The following NUMA1 variants were observed in gnomAD, a reference collection of about 807,000 sequenced individuals.
NUMA1 encodes SP-H antigen.
Under a neutral mutation model 237.1 loss-of-function variants are expected in NUMA1, and 62 were observed. The ratio of observed to expected loss-of-function variants is 0.26; its 90% CI spans 0.21 to 0.32. NUMA1 has a LOEUF of 0.32. Among genes scored for constraint, NUMA1 ranks in the 10% least tolerant of loss-of-function variants. The probability of loss-of-function intolerance (pLI) is 1.00; values close to 1 mark genes in which losing one functional copy is unlikely to be tolerated. For synonymous variants in NUMA1, 1,028 were observed against 1,066.1 expected (o/e 0.96, Z 0.70); for missense variants, 2,533 against 2,666.5 (o/e 0.95, Z 1.10).
At chr11:72,019,750 G>A in intron 8 of NUMA1, 133 bp from the exon 9 acceptor site, 3 of 976,682 alleles carry the variant, frequency 3.1e-6, no homozygotes, top group Non-Finnish European at 4.3e-6. Flanking sequence ...AACTACCAAG[G>A]AAGGCACTGG....
chr11:72,010,711 C>G (rs78266495), intron 17 of NUMA1, 75 bp downstream of exon 17: 43,676 of 1,470,178 alleles, frequency 0.03, 742 homozygotes, highest in East Asian at 0.064. Flanking sequence ...CCCGACACCC[C>G]CCACGGCCCC....
intron 14 of NUMA1, 22 bp from the exon 15 acceptor site, chr11:72,016,282 C>G: frequency 6.3e-7 from 1 of 1,585,170 alleles, no homozygotes; most frequent in East Asian, 2.3e-5. Context: ...AAGAGACAAA[C>G]TGGGATCAGC....
chr11:72,074,678 G>A (rs1209823857), intron 1 of NUMA1, among the ~76,000 whole-genome samples: 1 of 152,204 alleles, frequency 6.6e-6, no homozygotes, highest in East Asian at 1.9e-4. Flanking sequence ...GATCGAGGCT[G>A]CAGTGAGCTA....
At chr11:72,030,937 T>G (rs1321398704) in intron 3 of NUMA1, among the ~76,000 whole-genome samples, 2 of 152,172 alleles carry the variant, frequency 1.3e-5, no homozygotes, top group Non-Finnish European at 2.9e-5. Context: ...CCCTACTTTA[T>G]CTACTTCAAA....
chr11:72,035,630 C>T (rs1464808350), intron 3 of NUMA1, among the ~76,000 whole-genome samples: 1 of 151,746 alleles, frequency 6.6e-6, no homozygotes, highest in East Asian at 1.9e-4. Flanking sequence ...AGGCTGGTCT[C>T]GAACTCCTGA....
chr11:72,009,484 C>T, intron 17 of NUMA1, 97 bp from the exon 18 acceptor site: 2 of 1,452,364 alleles, frequency 1.4e-6, no homozygotes, highest in South Asian at 2.8e-5. Context: ...GCTTCAGACT[C>T]CTGCACTTTC....
At chr11:72,006,013 T>C in intron 22 of NUMA1, 22 bp downstream of exon 22, 4 of 1,570,140 alleles carry the variant, frequency 2.5e-6, no homozygotes, top group Non-Finnish European at 3.5e-6. Context: ...TGGGGTATAG[T>C]AAGTCCCTGT....
rs137956915 is a variant in NUMA1, at chr11:72,024,327, A to T, written c.155T>A (p.Ile52Asn). The change falls in exon 5 of 27, where the codon ATC becomes AAC. Residue 52 changes from isoleucine to asparagine, a missense_variant. This residue lies in a region of NUMA1 where 1,414 missense variants were observed against 1,508.1 expected (regional missense o/e 0.94). Transcript: ENST00000393695. ...RIHGTEEGQQ[I>N]LKQPVSERLD... ...TCTCTCTGACACCGGCTGCTTCAAG[A>T]TTTGCTGTCCCTCTTCAGTGCCATG... 4.8e-4 allele frequency: 776 copies of T among 1,614,078 alleles called. 1 individual carries two copies. Among genetic ancestry groups the T allele is most frequent in the Non-Finnish European group, 6.3e-4 (747 of 1,180,028 alleles).
chr11:72,015,797 T>G lies in NUMA1; in HGVS notation c.1706A>C (p.Glu569Ala), dbSNP rs1427034399. Reference protein sequence around the residue: ...SLKQKEQQLKEVAEKQEATRQ... With the variant: ...SLKQKEQQLKAVAEKQEATRQ... ...AGTTGCCTCCTGCTTCTCCGCTACCTCCTTCAACTGCTGCTCCTTCTGCTT... is the reference window on the plus strand; with the variant it reads ...AGTTGCCTCCTGCTTCTCCGCTACCGCCTTCAACTGCTGCTCCTTCTGCTT... The change falls in exon 15 of 27, where the codon GAG becomes GCG. Residue 569 changes from glutamate (E) to alanine (A), a missense_variant. Transcript: ENST00000393695. The surrounding 1 kb of genome is among the most constrained non-coding windows in gnomAD (Gnocchi z 4.0). The G allele has an allele frequency of 7.4e-6, 12 of 1,614,086 alleles. No homozygotes were observed. Among genetic ancestry groups the G allele is most frequent in the Admixed American group, 1.7e-5 (1 of 60,000 alleles).
Position 72,005,306 on chromosome 11 carries a change from C to T in NUMA1, c.5756G>A (p.Arg1919His), listed in dbSNP as rs749038538. The T allele has an allele frequency of 2.5e-6, 4 of 1,607,934 alleles. No individual in the cohort carries two copies. Among genetic ancestry groups the T allele is most frequent in the South Asian group, 2.2e-5 (2 of 90,296 alleles). ...ATTGCGCTGCTGCAGCTCTGCAATG[C>T]GGTTCCAGTCATCCAGCTGCTCAGG... ...DEPEQLDDWN[R>H]IAELQQRNRV... Residue 1919 changes from arginine (R) to histidine (H), a missense_variant, in exon 23 of 27, where the codon CGC (arginine) becomes CAC (histidine). Transcript: ENST00000393695.
intron 3 of NUMA1, among the ~76,000 whole-genome samples, chr11:72,030,280 G>A (rs969806290): frequency 3.3e-5 from 5 of 150,688 alleles, no homozygotes. Flanking sequence ...AGGCTGCAGT[G>A]AGCTGGGATT....
chr11:72,033,866 T>C (rs528577888), intron 3 of NUMA1, among the ~76,000 whole-genome samples: 13 of 152,046 alleles, frequency 8.6e-5, no homozygotes, highest in Non-Finnish European at 5.9e-5. Context: ...ACCAAAAATA[T>C]AAAACATTGT....
At chr11:72,060,326 T>G (rs1942875363) in intron 2 of NUMA1, among the ~76,000 whole-genome samples, 1 of 152,216 alleles carries the variant, frequency 6.6e-6, no homozygotes, top group African/African-American at 2.4e-5. Context: ...AAATATTTAC[T>G]ACTGGGGTCT....
rs1215001673 is a variant in NUMA1, at chr11:72,006,257, C to T, written c.5470G>A (p.Asp1824Asn). 6.2e-7 allele frequency: 1 copy of T among 1,613,800 alleles called. No homozygotes were observed. Among genetic ancestry groups the T allele is most frequent in the Non-Finnish European group, 8.5e-7 (1 of 1,179,706 alleles). The change falls in exon 22 of 27, where the codon GAT becomes AAT. Residue 1824 changes from aspartate to asparagine, a missense_variant. Asp to Asn is a conservative substitution (Grantham distance 23, BLOSUM62 1). Transcript: ENST00000393695. ...IINITMTKKL[D>N]VEEPDSANSS... is the part of the protein sequence containing the mutation. ...TTGGCGCTGTCTGGCTCTTCCACAT[C>T]TAGCTTCTGGAAGACAGAGTGAATC...
chr11:72,026,344 G>A (rs1156620481), intron 4 of NUMA1, among the ~76,000 whole-genome samples: 1 of 152,234 alleles, frequency 6.6e-6, no homozygotes, highest in East Asian at 1.9e-4. Flanking sequence ...GAATAAAGTA[G>A]GTGCTCAATA....
intron 1 of NUMA1, among the ~76,000 whole-genome samples, chr11:72,074,680 A>C (rs1943624989): frequency 6.6e-6 from 1 of 152,224 alleles, no homozygotes; most frequent in Non-Finnish European, 1.5e-5. Context: ...TCGAGGCTGC[A>C]GTGAGCTATG....
chr11:72,014,458 A>G lies in NUMA1; in HGVS notation c.3045T>C (p.Arg1015=). The change falls in exon 15 of 27, where the codon CGT becomes CGC. Residue 1015 remains arginine, a synonymous_variant. Coordinates refer to ENST00000393695, the MANE Select transcript of NUMA1 (RefSeq NM_006185.4). The surrounding 1 kb of genome is among the most constrained non-coding windows in gnomAD (Gnocchi z 4.6). ...TCTCCAGGGCAAGGTCAGCCTGGGC[A>G]CGGCCCCGCTCCTGGGTCAGCCGCG... The part of the protein sequence containing the change: ...EVARLTQERG[R]AQADLALEKA... 1 of 1,604,264 alleles carries G rather than the reference A, an allele frequency of 6.2e-7. No individual in the cohort carries two copies. Among genetic ancestry groups the G allele is most frequent in the Non-Finnish European group, 8.5e-7 (1 of 1,179,956 alleles).
intron 2 of NUMA1, chr11:72,067,008 A>G (rs551032623): frequency 1.3e-5 from 2 of 152,364 alleles, no homozygotes; most frequent in East Asian, 1.9e-4. Flanking sequence ...AGGGCCTGCC[A>G]CTTTAAGAGG....
chr11:72,018,483 A>G lies in NUMA1; in HGVS notation c.773T>C (p.Ile258Thr). The part of the protein sequence containing the change: ...DAQIAMMQQR[I>T]DRLALLNEKQ... ...CTCATTCAGCAGGGCTAGGCGGTCA[A>G]TGCGCTGCTGCATCATGGCTATCTG... Residue 258 changes from isoleucine to threonine, a missense_variant, in exon 11 of 27, where the codon ATT (isoleucine) becomes ACT (threonine). This residue lies in a region of NUMA1 where 1,414 missense variants were observed against 1,508.1 expected (regional missense o/e 0.94). Coordinates refer to ENST00000393695, the MANE Select transcript of NUMA1 (RefSeq NM_006185.4). 1 of 1,614,186 alleles carries G rather than the reference A, an allele frequency of 6.2e-7. No homozygotes were observed. Among genetic ancestry groups the G allele is most frequent in the South Asian group, 1.1e-5 (1 of 91,082 alleles).
Sources: gnomAD v4.1 joint callset for allele counts (sites outside exome capture counted in the v4.1 genomes callset) on GRCh38, gnomAD v4.1.1 for gene constraint, gnomAD v4.1.1 regional missense constraint, Gnocchi (gnomAD v3.1) non-coding constraint, MANE v1.5 for transcripts, NCBI Gene and HGNC (gene_info 2026-07-23, HGNC 2026-07-21) for gene names.